RHEX: variants seen among roughly 807,000 people sequenced by gnomAD.
RHEX encodes the protein regulator of hemoglobinization and erythroid cell expansion protein.
A neutral mutation model predicts 20.1 loss-of-function variants in RHEX; 18 were observed. The observed-to-expected ratio is 0.90, with a 90% CI of 0.62 to 1.33. The LOEUF (loss-of-function observed/expected upper bound fraction) is 1.33. Among genes scored for constraint, RHEX ranks in the 40% most tolerant of loss-of-function variants. The pLI is 0.00. For synonymous variants in RHEX, 87 were observed against 77.1 expected (o/e 1.13, Z -0.67); for missense variants, 192 against 214.3 (o/e 0.90, Z 0.65).
chr1:206,068,736 A>G (rs1310663271), intron 1 of RHEX, among the ~76,000 whole-genome samples: 3 of 152,208 alleles, frequency 2.0e-5, no homozygotes, highest in Admixed American at 6.5e-5. Flanking sequence ...TGGAAATTTT[A>G]AACAGGTTTC....
At position 206,101,798 on chromosome 1, in the gene RHEX, G is replaced by A; in HGVS notation, c.365G>A (p.Gly122Glu). Residue 122 changes from glycine to glutamate, a missense_variant, in exon 6 of 6, where the codon GGA becomes GAA. Coordinates refer to ENST00000331555, the MANE Select transcript of RHEX (RefSeq NM_001007544.4). ...ACACAAGTCGTCTTTTCTGACCCTG[G>A]AGAACTAAAAAATGACTCCCCGCTG... Reference protein sequence around the residue: ...DYTQVVFSDPGELKNDSPLDY... With the variant: ...DYTQVVFSDPEELKNDSPLDY... 1 of 1,613,880 alleles carries A rather than the reference G, an allele frequency of 6.2e-7. No individual in the cohort carries two copies. The highest frequency in any genetic ancestry group is 8.5e-7 in the Non-Finnish European group (1 of 1,179,984).
chr1:206,090,340 G>T (rs1662923581), intron 1 of RHEX, among the ~76,000 whole-genome samples: 1 of 151,236 alleles, frequency 6.6e-6, no homozygotes, highest in South Asian at 2.1e-4. Context: ...AGAGTTGTTG[G>T]GATTACAGGT....
intron 1 of RHEX, among the ~76,000 whole-genome samples, chr1:206,095,591 C>T (rs1014494738): frequency 1.3e-5 from 2 of 152,012 alleles, no homozygotes; most frequent in East Asian, 1.9e-4. Context: ...CCAAGGCAGG[C>T]GGATCACCTG....
At chr1:206,079,799 C>T (rs1662703295) in intron 1 of RHEX, among the ~76,000 whole-genome samples, 1 of 152,170 alleles carries the variant, frequency 6.6e-6, no homozygotes, top group African/African-American at 2.4e-5. Flanking sequence ...TGTGATCTGC[C>T]TCTTCGGCCT....
intron 1 of RHEX, among the ~76,000 whole-genome samples, chr1:206,053,969 T>C (rs1413106285): frequency 6.6e-6 from 1 of 152,226 alleles, no homozygotes; most frequent in Non-Finnish European, 1.5e-5. Context: ...ATAATTGAAA[T>C]CCCAAACTTA....
intron 1 of RHEX, among the ~76,000 whole-genome samples, chr1:206,092,808 T>C (rs1662985220): frequency 6.6e-6 from 1 of 152,220 alleles, no homozygotes; most frequent in Non-Finnish European, 1.5e-5. Flanking sequence ...GGAAACTGCA[T>C]ATTAAACTGG....
chr1:206,064,265 G>T, intron 1 of RHEX, among the ~76,000 whole-genome samples: 1 of 147,278 alleles, frequency 6.8e-6, no homozygotes, highest in Non-Finnish European at 1.5e-5. Flanking sequence ...GGAGGTGGGG[G>T]GGGTCAGCCC....
rs184660786 is a variant in RHEX at position 206,060,170 on chromosome 1, A to C, written c.-97+6905A>C. On this transcript the variant is annotated intron_variant, in intron 1 of 5. Transcript: ENST00000331555. ...AGCCCTATGACCCTGAGCAAGTGTG[A>C]TCCTCAAGAACTGTTTTTCTTTACT... Among the ~76,000 whole-genome samples the C allele has an allele frequency of 1.4e-4, 22 of 152,280 alleles. 1 individual carries two copies. The highest frequency in any genetic ancestry group is 1.3e-3 in the Admixed American group (20 of 15,294).
At chr1:206,091,855 C>T (rs1296126046) in intron 1 of RHEX, among the ~76,000 whole-genome samples, 3 of 151,994 alleles carry the variant, frequency 2.0e-5, no homozygotes, top group Admixed American at 1.3e-4. Flanking sequence ...ATATATATAC[C>T]TCCATATTCA....
chr1:206,099,673 T>C lies in RHEX; in HGVS notation c.131T>C (p.Ile44Thr), dbSNP rs1558180801. The C allele has an allele frequency of 1.2e-5, 20 of 1,614,050 alleles. No homozygotes were observed. The highest frequency in any genetic ancestry group is 1.7e-5 in the Non-Finnish European group (20 of 1,180,000). Residue 44 changes from isoleucine (I) to threonine (T), a missense_variant, in exon 4 of 6, where the codon ATA becomes ACA. Coordinates refer to ENST00000331555, the MANE Select transcript of RHEX (RefSeq NM_001007544.4). The stretch of plus-strand genomic sequence containing the variant: ...CTTCCAGCCCACAAGAGTGAACAGA[T>C]ACTGAAAGCGGCCAGTCTCCAGGTT... Reference protein sequence around the residue: ...SRHMAHKSEQILKAASLQVPR... With the variant: ...SRHMAHKSEQTLKAASLQVPR...
rs542446403 is a variant in RHEX, at chr1:206,058,692, G to A, written c.-97+5427G>A. Among the ~76,000 whole-genome samples, 11 of 152,210 alleles carry A rather than the reference G, an allele frequency of 7.2e-5. No homozygotes were observed. In the South Asian group the frequency reaches 1.0e-3, roughly 14 times the overall value. ...CCTGTTCTGTTTCTCTCTGACCACCGGTGCATGCAGCCCCTGTCACATACC... is the reference window on the plus strand; with the variant it reads ...CCTGTTCTGTTTCTCTCTGACCACCAGTGCATGCAGCCCCTGTCACATACC... On this transcript the variant is annotated intron_variant, in intron 1 of 5. Transcript: ENST00000331555.
chr1:206,073,573 G>A lies in RHEX; in HGVS notation c.-97+20308G>A, dbSNP rs117070250. 3.3e-5 allele frequency among the ~76,000 whole-genome samples: 5 copies of A among 152,128 alleles called. No homozygotes were observed. The East Asian group carries it at 5.8e-4, about 18-fold the overall frequency. On this transcript the variant is annotated intron_variant, in intron 1 of 5. Coordinates refer to ENST00000331555, the MANE Select transcript of RHEX (RefSeq NM_001007544.4). Reference sequence around the variant, plus strand: ...AAGGTGGAAGGGCCTGTTGGGCTTCGGAGTCTGAGTTTTTGTCACTATGCA... The same window carrying A: ...AAGGTGGAAGGGCCTGTTGGGCTTCAGAGTCTGAGTTTTTGTCACTATGCA...
chr1:206,096,972 G>T (rs920090106), intron 1 of RHEX, among the ~76,000 whole-genome samples: 4 of 151,760 alleles, frequency 2.6e-5, no homozygotes, highest in African/African-American at 9.7e-5. Context: ...ACGAGGTTTC[G>T]CCATATTGCC....
At chr1:206,055,433 T>G (rs1307816972) in intron 1 of RHEX, among the ~76,000 whole-genome samples, 1 of 152,246 alleles carries the variant, frequency 6.6e-6, no homozygotes, top group Non-Finnish European at 1.5e-5. Flanking sequence ...CTTTAGCCTA[T>G]TTGGCTATCC....
intron 1 of RHEX, among the ~76,000 whole-genome samples, chr1:206,077,574 C>T (rs567187788): frequency 1.2e-4 from 19 of 152,266 alleles, no homozygotes; most frequent in African/African-American, 4.3e-4. Flanking sequence ...GAGGTCAAGA[C>T]CAGCTTGGTT....
At chr1:206,098,351 G>T in intron 3 of RHEX, 170 bp downstream of exon 3, 1 of 598,722 alleles carries the variant, frequency 1.7e-6, no homozygotes, top group Non-Finnish European at 3.0e-6. Context: ...AACTGTATCT[G>T]GGTAATCCCC....
In RHEX at chr1:206,067,251, A is replaced by G. The variant is rs1662438484; in HGVS notation, c.-97+13986A>G. On this transcript the variant is annotated intron_variant, in intron 1 of 5. Coordinates refer to ENST00000331555, the MANE Select transcript of RHEX (RefSeq NM_001007544.4). The surrounding 1 kb of genome is among the most constrained non-coding windows in gnomAD (Gnocchi z 4.6). ...AAGAGGGGTCCATTCAGTCTGTCAGAGGCATCAGATTTCATTCTGGTTCCA... is the reference window on the plus strand; with the variant it reads ...AAGAGGGGTCCATTCAGTCTGTCAGGGGCATCAGATTTCATTCTGGTTCCA... 6.6e-6 allele frequency among the ~76,000 whole-genome samples: 1 copy of G among 152,194 alleles called. No homozygotes were observed. The highest frequency in any genetic ancestry group is 1.5e-5 in the Non-Finnish European group (1 of 68,032).
intron 1 of RHEX, chr1:206,097,521 A>T (rs1663096889): frequency 4.3e-6 from 2 of 462,688 alleles, no homozygotes; most frequent in African/African-American, 3.9e-5. Flanking sequence ...CTAAACAGAA[A>T]TCTCTGGGAG....
Position 206,097,783 on chromosome 1 carries a change from G to A in RHEX, c.-46G>A. ...TACTGAGAGACGAGGTGCCAGGGTG[G>A]TTCCTGAAAGTGCCTGAGCCCCAAC... is the stretch of plus-strand genomic sequence containing the variant. On this transcript the variant is annotated 5_prime_UTR_variant, in exon 2 of 6. Transcript: ENST00000331555. The A allele has an allele frequency of 6.2e-7, 1 of 1,614,102 alleles. No homozygotes were observed. Among genetic ancestry groups the A allele is most frequent in the Non-Finnish European group, 8.5e-7 (1 of 1,180,000 alleles).
Sources: allele counts gnomAD v4.1 joint callset (sites outside exome capture counted in the v4.1 genomes callset), GRCh38; gene constraint gnomAD v4.1.1; non-coding constraint Gnocchi (gnomAD v3.1); transcripts MANE v1.5; gene names NCBI Gene and HGNC (gene_info 2026-07-23, HGNC 2026-07-21).